Variants in STAG1 observed in about 807,000 individuals in gnomAD.
The protein encoded by STAG1 is cohesin subunit SA-1.
A neutral mutation model predicts 170.9 loss-of-function variants in STAG1; 26 were observed. The observed-to-expected ratio is 0.15, with a 90% CI of 0.11 to 0.21. STAG1 has a LOEUF of 0.21. Ranked by LOEUF, STAG1 falls within the 10% of genes least tolerant of loss-of-function variation. STAG1 has a pLI of 1.00. For synonymous variants in STAG1, 514 were observed against 497.7 expected (o/e 1.03, Z -0.44); for missense variants, 964 against 1,509.5 (o/e 0.64, Z 5.99).
At chr3:136,588,007 T>C (rs181254196) in intron 4 of STAG1, among the ~76,000 whole-genome samples, 43 of 152,112 alleles carry the variant, frequency 2.8e-4, no homozygotes, top group Non-Finnish European at 5.7e-4. Context: ...AACACAATAT[T>C]AGGTCAAAGT....
At chr3:136,444,742 T>C (rs538261828) in intron 14 of STAG1, among the ~76,000 whole-genome samples, 1 of 152,338 alleles carries the variant, frequency 6.6e-6, no homozygotes, top group East Asian at 1.9e-4. Flanking sequence ...GGCCCAAAAG[T>C]ATGAAAGTCA....
intron 6 of STAG1, among the ~76,000 whole-genome samples, chr3:136,538,308 A>G (rs1478213844): frequency 6.6e-6 from 1 of 152,228 alleles, no homozygotes; most frequent in Non-Finnish European, 1.5e-5. Flanking sequence ...TTGATTACCA[A>G]GGGTGGAAGG....
At chr3:136,735,085 C>T (rs1431616560) in intron 1 of STAG1, among the ~76,000 whole-genome samples, 4 of 152,086 alleles carry the variant, frequency 2.6e-5, no homozygotes, top group African/African-American at 9.7e-5. Context: ...AACTTCCCTT[C>T]TTCCTTCCTT....
chr3:136,466,776 G>C (rs145194871), intron 12 of STAG1, among the ~76,000 whole-genome samples: 9 of 152,150 alleles, frequency 5.9e-5, no homozygotes, highest in African/African-American at 2.2e-4. Flanking sequence ...ACCCACAAAG[G>C]GAAGCCCATC....
intron 13 of STAG1, among the ~76,000 whole-genome samples, chr3:136,462,283 A>T (rs1247598566): frequency 1.3e-5 from 2 of 152,216 alleles, no homozygotes; most frequent in African/African-American, 4.8e-5. Flanking sequence ...TGATACATGG[A>T]ATCAACCTAA....
chr3:136,747,997 G>T (rs984597422), intron 1 of STAG1, among the ~76,000 whole-genome samples: 1 of 151,492 alleles, frequency 6.6e-6, no homozygotes, highest in Non-Finnish European at 1.5e-5. Flanking sequence ...GGATGGTCTC[G>T]ATCTCCTGAC....
chr3:136,410,500 TG>T (rs1050952991), intron 21 of STAG1, among the ~76,000 whole-genome samples: 26 of 151,804 alleles, frequency 1.7e-4, no homozygotes, highest in Admixed American at 1.7e-3. Context: ...TAGAAGAAAA[TG>T]GGAAGAGACA....
chr3:136,638,180 G>A (rs1308582824), intron 1 of STAG1, among the ~76,000 whole-genome samples: 1 of 150,900 alleles, frequency 6.6e-6, no homozygotes, highest in African/African-American at 2.4e-5. Flanking sequence ...AAGCTGGAGT[G>A]CAATGGCGCG....
chr3:136,347,395 CAAAAAAAAAAA>C (rs34533734), intron 29 of STAG1, among the ~76,000 whole-genome samples: 1 of 78,726 alleles, frequency 1.3e-5, no homozygotes, highest in Non-Finnish European at 2.3e-5. Flanking sequence ...GATCCTGTCT[CAAAAAAAAAAA>C]AAAAAAAAAA....
At chr3:136,643,617 TC>T (rs1940883345) in intron 1 of STAG1, among the ~76,000 whole-genome samples, 1 of 152,124 alleles carries the variant, frequency 6.6e-6, no homozygotes, top group African/African-American at 2.4e-5. Context: ...CAAGCAATCC[TC>T]CCACTTCTGC....
chr3:136,532,902 TG>T (rs1935447488), intron 6 of STAG1, among the ~76,000 whole-genome samples: 1 of 152,148 alleles, frequency 6.6e-6, no homozygotes, highest in African/African-American at 2.4e-5. Context: ...AACATGGTAC[TG>T]GAAGTCCTAG....
intron 15 of STAG1, among the ~76,000 whole-genome samples, chr3:136,437,694 T>C (rs1428575464): frequency 6.6e-6 from 1 of 152,166 alleles, no homozygotes; most frequent in African/African-American, 2.4e-5. Context: ...TATATATTAT[T>C]AACTATGGCT....
intron 1 of STAG1, among the ~76,000 whole-genome samples, chr3:136,724,795 G>A (rs1933564951): frequency 6.6e-6 from 1 of 152,050 alleles, no homozygotes; most frequent in Admixed American, 6.6e-5. Context: ...TATTTTGAGA[G>A]GTAAACAAGG....
intron 1 of STAG1, among the ~76,000 whole-genome samples, chr3:136,723,838 G>A (rs1576814079): frequency 7.0e-6 from 1 of 143,636 alleles, no homozygotes; most frequent in Non-Finnish European, 1.5e-5. Flanking sequence ...AGGTGGGGGG[G>A]TCAGCCCCCC....
At chr3:136,639,916 C>A (rs751840498) in intron 1 of STAG1, among the ~76,000 whole-genome samples, 3 of 152,120 alleles carry the variant, frequency 2.0e-5, no homozygotes, top group East Asian at 3.8e-4. Context: ...ATATATTAAA[C>A]CCACTAAATG....
At chr3:136,610,241 T>A (rs1939202667) in intron 3 of STAG1, among the ~76,000 whole-genome samples, 1 of 152,274 alleles carries the variant, frequency 6.6e-6, no homozygotes. Flanking sequence ...TTCACCATAT[T>A]GGCCAGGCTG....
At chr3:136,710,598 C>T (rs1226154969) in intron 1 of STAG1, among the ~76,000 whole-genome samples, 1 of 152,082 alleles carries the variant, frequency 6.6e-6, no homozygotes, top group African/African-American at 2.4e-5. Flanking sequence ...TATTTCACTT[C>T]GATGTTGGTT....
chr3:136,447,346 G>C (rs2088811609), intron 14 of STAG1, among the ~76,000 whole-genome samples: 2 of 151,792 alleles, frequency 1.3e-5, no homozygotes, highest in East Asian at 4.0e-4. Flanking sequence ...GCGCGTGCCT[G>C]CAGTACCACC....
intron 6 of STAG1, among the ~76,000 whole-genome samples, chr3:136,537,494 A>ATTTTTTTTT (rs780672876): frequency 7.6e-6 from 1 of 131,586 alleles, no homozygotes. Context: ...TTTTTTGTTT[A>ATTTTTTTTT]TTTTTTTTTT....
Sources: gnomAD v4.1 joint callset for allele counts (sites outside exome capture counted in the v4.1 genomes callset) on GRCh38, gnomAD v4.1.1 for gene constraint, MANE v1.5 for transcripts, NCBI Gene and HGNC (gene_info 2026-07-23, HGNC 2026-07-21) for gene names.